Variants in EFCAB8 observed in about 807,000 individuals in gnomAD.
The protein encoded by EFCAB8 is EF-hand calcium-binding domain-containing protein 8.
A neutral mutation model predicts 116.3 loss-of-function variants in EFCAB8; 100 were observed. That is an observed-to-expected ratio of 0.86 (90% confidence interval 0.73 to 1.02). The LOEUF (loss-of-function observed/expected upper bound fraction) is 1.02. Among genes scored for constraint, EFCAB8 ranks in the 50% least tolerant of loss-of-function variants. The pLI is 0.00. For synonymous variants in EFCAB8, 558 were observed against 567.9 expected, an observed-to-expected ratio of 0.98 and a Z score of 0.25; for missense variants, 1,320 against 1,416.9, an observed-to-expected ratio of 0.93 and a Z score of 1.10.
chr20:32,935,388 C>T (rs565977013), intron 22 of EFCAB8, among the ~76,000 whole-genome samples: 20 of 151,440 alleles, frequency 1.3e-4, no homozygotes, highest in Admixed American at 9.9e-4. Flanking sequence ...TCAGTAGAGA[C>T]GAGGTGTCAC....
chr20:32,882,363 C>T (rs1345492683), intron 5 of EFCAB8, among the ~76,000 whole-genome samples: 2 of 152,178 alleles, frequency 1.3e-5, no homozygotes, highest in Non-Finnish European at 2.9e-5. Context: ...TAGCTGTTCA[C>T]GGCACACTGT....
Position 32,898,601 on chromosome 20 carries a change from G to C in EFCAB8, c.1066G>C (p.Ala356Pro). The stretch of plus-strand genomic sequence containing the variant: ...CTCTCTGGTGCTGACAATATTGCCA[G>C]CCAAAGCCTCTAAGAAACCCAGGTA... ...KSSLVLTILP[A>P]KASKKPRLSV... Residue 356 changes from alanine (A) to proline (P), a missense_variant, in exon 11 of 27, where the codon GCC (alanine) becomes CCC (proline). Ala to Pro is a conservative substitution (Grantham distance 27). Coordinates refer to ENST00000400522, the MANE Select transcript of EFCAB8 (RefSeq NM_001143967.2). 1 of 718,740 alleles carries C rather than the reference G, an allele frequency of 1.4e-6. No homozygotes were observed. The highest frequency in any genetic ancestry group is 1.7e-5 in the African/African-American group (1 of 57,360). The allele number at this position is 718,740 out of a possible 1,614,324, so 44.5% of individuals were successfully genotyped here. A position where few individuals can be genotyped will look rare whatever the true frequency, so the allele number is the denominator to read the frequency against.
intron 4 of EFCAB8, among the ~76,000 whole-genome samples, 187 bp from the exon 5 acceptor site, chr20:32,878,508 CTTTTTTTTT>C (rs1292839813): frequency 4.3e-5 from 5 of 116,652 alleles, no homozygotes; most frequent in Admixed American, 9.4e-5. Context: ...GGCTTGAGTT[CTTTTTTTTT>C]TTTTTTTTTT....
At chr20:32,873,545 T>C (rs879745476) in intron 3 of EFCAB8, among the ~76,000 whole-genome samples, 3 of 151,960 alleles carry the variant, frequency 2.0e-5, no homozygotes, top group Non-Finnish European at 4.4e-5. Context: ...AGCCAAAGTT[T>C]ATATTTTGAT....
At chr20:32,889,244 G>A (rs1478899894) in intron 6 of EFCAB8, 57 bp from the exon 7 acceptor site, 1 of 1,468,588 alleles carries the variant, frequency 6.8e-7, no homozygotes, top group Non-Finnish European at 9.3e-7. Flanking sequence ...TTCATGGGGA[G>A]CTGCACTGGC....
At chr20:32,890,355 TC>T (rs1342261955) in intron 7 of EFCAB8, among the ~76,000 whole-genome samples, 2 of 152,180 alleles carry the variant, frequency 1.3e-5, no homozygotes, top group Non-Finnish European at 2.9e-5. Flanking sequence ...CAGGAAGCCC[TC>T]CCTGACCCTC....
Position 32,858,941 on chromosome 20 carries a change from G to A in EFCAB8, c.-76G>A, listed in dbSNP as rs1461223388. ...CAATGTCTTTGTTGAGATGGGAGTT[G>A]GAAAGTGTTAGCACTTTGCCAGACT... On this transcript the variant is annotated 5_prime_UTR_variant, in exon 1 of 27. Coordinates refer to ENST00000400522, the MANE Select transcript of EFCAB8 (RefSeq NM_001143967.2). 3 of 470,342 alleles carry A rather than the reference G, an allele frequency of 6.4e-6. No individual in the cohort carries two copies. Among genetic ancestry groups the A allele is most frequent in the Non-Finnish European group, 1.3e-5 (3 of 226,718 alleles). 29.1% of individuals were successfully genotyped at this position (470,342 alleles called of 1,614,324 possible). A position where few individuals can be genotyped will look rare whatever the true frequency, so the allele number is the denominator to read the frequency against.
rs1196480804 is a variant in EFCAB8, at chr20:32,961,502, G to A, written c.3760G>A (p.Gly1254Arg). ...CCCGGTGTCCAAGTCCACCCTGCAG[G>A]GGTCAGTGACCCCCAAGCACATTGT... ...PSPVSKSTLQGSVTPKHIVSS... is the reference protein window; with the variant it reads ...PSPVSKSTLQRSVTPKHIVSS... The change falls in exon 27 of 27, where the codon GGG (glycine) becomes AGG (arginine). Residue 1254 changes from glycine (G) to arginine (R), a missense_variant. Transcript: ENST00000400522. The A allele has an allele frequency of 5.6e-6, 8 of 1,441,138 alleles. No individual in the cohort carries two copies. The East Asian group carries it at 1.5e-4, about 27-fold the overall frequency. 89.3% of individuals were successfully genotyped at this position (1,441,138 alleles called of 1,614,324 possible).
intron 23 of EFCAB8, among the ~76,000 whole-genome samples, chr20:32,950,350 A>G (rs1230819016): frequency 6.6e-6 from 1 of 152,220 alleles, no homozygotes; most frequent in Non-Finnish European, 1.5e-5. Flanking sequence ...TAATACAATA[A>G]AAACATTAGA....
At position 32,875,985 on chromosome 20, in the gene EFCAB8, G is replaced by C. The variant is rs369443493; in HGVS notation, c.268G>C (p.Glu90Gln). The change falls in exon 4 of 27, where the codon GAG (glutamate) becomes CAG (glutamine). Residue 90 changes from glutamate to glutamine, a missense_variant. Transcript: ENST00000400522. The stretch of plus-strand genomic sequence containing the variant: ...GAAGGTTCTGAGCAGTGTGTCGGAC[G>C]AGATGCTAAAGGAGCTGTTTTTGAA... ...MKKVLSSVSD[E>Q]MLKELFLKVD... is the part of the protein sequence containing the mutation. 1.1e-5 allele frequency: 17 copies of C among 1,552,056 alleles called. No homozygotes were observed. The Admixed American group carries it at 1.8e-4, about 16-fold the overall frequency.
intron 2 of EFCAB8, 32 bp from the exon 3 acceptor site, chr20:32,867,550 T>C: frequency 6.5e-7 from 1 of 1,542,400 alleles, no homozygotes; most frequent in Non-Finnish European, 8.7e-7. Flanking sequence ...ATTGAAACGC[T>C]CAGTCCCTGG....
In EFCAB8 at chr20:32,908,292, C is replaced by T; in HGVS notation, c.1326C>T (p.Asp442=). 1 of 1,249,926 alleles carries T rather than the reference C, an allele frequency of 8.0e-7. No individual in the cohort carries two copies. The highest frequency in any genetic ancestry group is 3.2e-5 in the East Asian group (1 of 31,714). The allele number at this position is 1,249,926 out of a possible 1,614,324, so 77.4% of individuals were successfully genotyped here. The part of the protein sequence containing the change: ...VSKDKNIRVW[D]MLDYICLQSF... ...TCCCCCAGAATATTCGCGTGTGGGACATGCTGGACTACATATGCCTCCAGT... is the reference window on the plus strand; with the variant it reads ...TCCCCCAGAATATTCGCGTGTGGGATATGCTGGACTACATATGCCTCCAGT... The change falls in exon 14 of 27, where the codon GAC becomes GAT. Residue 442 remains aspartate, a synonymous_variant. Coordinates refer to ENST00000400522, the MANE Select transcript of EFCAB8 (RefSeq NM_001143967.2).
In EFCAB8 at chr20:32,909,824, G is replaced by A. The variant is rs1010881787; in HGVS notation, c.1450G>A (p.Gly484Arg). 10 of 1,247,756 alleles carry A rather than the reference G, an allele frequency of 8.0e-6. No individual in the cohort carries two copies. The highest frequency in any genetic ancestry group is 4.2e-5 in the Admixed American group (1 of 23,702). 77.3% of individuals were successfully genotyped at this position (1,247,756 alleles called of 1,614,324 possible). Residue 484 changes from glycine to arginine, a missense_variant, in exon 15 of 27, where the codon GGG becomes AGG. Transcript: ENST00000400522. ...CTGCCCCTTTCCTCACCTACAGATC[G>A]GGATCCTAAAAGGGTACTTAGAGGC... is the stretch of plus-strand genomic sequence containing the variant. ...NTLICSTYSIGILKGYLEAQG... is the reference protein window; with the variant it reads ...NTLICSTYSIRILKGYLEAQG...
At position 32,875,951 on chromosome 20, in the gene EFCAB8, G is replaced by A; in HGVS notation, c.234G>A (p.Lys78=). The A allele has an allele frequency of 1.9e-6, 3 of 1,551,960 alleles. No individual in the cohort carries two copies. Among genetic ancestry groups the A allele is most frequent in the Non-Finnish European group, 2.6e-6 (3 of 1,147,020 alleles). The change falls in exon 4 of 27, where the codon AAG becomes AAA. Residue 78 remains lysine (K), a synonymous_variant. Transcript: ENST00000400522. The part of the protein sequence containing the change: ...TGALGMDAFI[K]AMKKVLSSVS... ...CCCTGGGCATGGACGCCTTCATCAA[G>A]GCCATGAAGAAGGTTCTGAGCAGTG... is the stretch of plus-strand genomic sequence containing the variant.
chr20:32,863,403 T>C (rs370753215), intron 1 of EFCAB8, among the ~76,000 whole-genome samples: 2 of 152,150 alleles, frequency 1.3e-5, no homozygotes, highest in African/African-American at 4.8e-5. Context: ...ATTTTTCTAA[T>C]CTGTTTATTG....
At chr20:32,888,951 T>C (rs896368002) in intron 6 of EFCAB8, among the ~76,000 whole-genome samples, 1 of 150,896 alleles carries the variant, frequency 6.6e-6, no homozygotes, top group African/African-American at 2.4e-5. Context: ...GTTTGGTTGG[T>C]TTTTTTTGTG....
At chr20:32,900,021 G>C (rs1222912287) in intron 11 of EFCAB8, among the ~76,000 whole-genome samples, 1 of 152,088 alleles carries the variant, frequency 6.6e-6, no homozygotes, top group Admixed American at 6.6e-5. Context: ...GAGCCTTTGG[G>C]GCTCTGACAT....
At chr20:32,941,531 T>C (rs1988408055) in intron 22 of EFCAB8, among the ~76,000 whole-genome samples, 1 of 130,918 alleles carries the variant, frequency 7.6e-6, no homozygotes, top group Non-Finnish European at 1.7e-5. Context: ...TGTTATTTAA[T>C]AATAAAAAGG....
At chr20:32,931,930 A>C (rs1987925576) in intron 22 of EFCAB8, among the ~76,000 whole-genome samples, 1 of 152,244 alleles carries the variant, frequency 6.6e-6, no homozygotes, top group African/African-American at 2.4e-5. Context: ...AGGCAAAAGA[A>C]GTCAGACCCA....
Sources: gnomAD v4.1 joint callset for allele counts (sites outside exome capture counted in the v4.1 genomes callset) on GRCh38, gnomAD v4.1.1 for gene constraint, MANE v1.5 for transcripts, NCBI Gene and HGNC (gene_info 2026-07-23, HGNC 2026-07-21) for gene names.